ZC3H8: variants seen among roughly 807,000 people sequenced by gnomAD.
ZC3H8 encodes zinc finger CCCH-type containing 8.
ZC3H8 carries 27 observed loss-of-function variants against 42.5 expected under a neutral mutation model. The ratio of observed to expected loss-of-function variants is 0.64; its 90% confidence interval spans 0.47 to 0.88. The LOEUF (loss-of-function observed/expected upper bound fraction) is 0.88, where lower values mean the gene tolerates loss of function less well. Ranked by LOEUF, ZC3H8 falls within the 40% of genes least tolerant of loss-of-function variation. The probability of loss-of-function intolerance (pLI) is 0.00; values close to 1 mark genes in which losing one functional copy is unlikely to be tolerated. For synonymous variants in ZC3H8, 101 were observed against 110.1 expected, an observed-to-expected ratio of 0.92 and a Z score of 0.52; for missense variants, 277 against 336.1, an observed-to-expected ratio of 0.82 and a Z score of 1.37.
chr2:112,245,548 G>A (rs1685731114), intron 2 of ZC3H8, among the ~76,000 whole-genome samples: 1 of 152,198 alleles, frequency 6.6e-6, no homozygotes, highest in Non-Finnish European at 1.5e-5. Context: ...CAGCTACTCA[G>A]GAGGCTGAAG....
intron 4 of ZC3H8, among the ~76,000 whole-genome samples, chr2:112,234,843 G>GATTAAAAACCGAAGTC (rs1685250650): frequency 2.6e-5 from 4 of 151,966 alleles, no homozygotes; most frequent in Admixed American, 2.6e-4. Flanking sequence ...TAGTATTTAT[G>GATTAAAAACCGAAGTC]ATTAAAAACC....
intron 8 of ZC3H8, among the ~76,000 whole-genome samples, chr2:112,223,549 T>G (rs959064360): frequency 3.3e-5 from 5 of 152,148 alleles, no homozygotes; most frequent in African/African-American, 1.2e-4. Context: ...TCTGCATATA[T>G]TACTTTTATA....
At chr2:112,228,859 C>A (rs375246882) in intron 8 of ZC3H8, among the ~76,000 whole-genome samples, 1 of 151,030 alleles carries the variant, frequency 6.6e-6, no homozygotes, top group Non-Finnish European at 1.5e-5. Context: ...ATCCAACATA[C>A]GTAAAGAACT....
intron 8 of ZC3H8, among the ~76,000 whole-genome samples, chr2:112,229,764 C>T (rs1186792757): frequency 1.3e-5 from 2 of 152,070 alleles, no homozygotes; most frequent in South Asian, 2.1e-4. Context: ...ACTGTTAATA[C>T]AATTCCCAAT....
At chr2:112,237,946 T>C (rs918729345) in intron 3 of ZC3H8, among the ~76,000 whole-genome samples, 2 of 152,246 alleles carry the variant, frequency 1.3e-5, no homozygotes, top group Non-Finnish European at 2.9e-5. Context: ...AATATATTTC[T>C]GAGTTACAGT....
intron 1 of ZC3H8, chr2:112,254,134 G>C: frequency 1.0e-6 from 1 of 985,314 alleles, no homozygotes; most frequent in Non-Finnish European, 1.2e-6. Flanking sequence ...GGTAAAATTT[G>C]AGATAGAGTG....
In ZC3H8 at chr2:112,223,686, C is replaced by T. The variant is rs566863513; in HGVS notation, c.*15+7217G>A. 3.2e-4 allele frequency among the ~76,000 whole-genome samples: 49 copies of T among 152,062 alleles called. 1 individual carries two copies. The South Asian group carries it at 4.8e-3, about 15-fold the overall frequency. ...AATCTTTGGGCAAAATAAGCCCAAA[C>T]AATGTAAAATGACTGATATAATCTA... On this transcript the variant is annotated intron_variant, in intron 8 of 8. Transcript: ENST00000409573.
intron 2 of ZC3H8, among the ~76,000 whole-genome samples, chr2:112,240,992 T>TGTGTGTGC (rs1388150739): frequency 3.5e-5 from 5 of 143,736 alleles, no homozygotes; most frequent in Non-Finnish European, 6.1e-5. Flanking sequence ...TGTGCGCGTG[T>TGTGTGTGC]GTATGTGTGT....
At chr2:112,232,790 T>C (rs1202847277) in intron 6 of ZC3H8, among the ~76,000 whole-genome samples, 1 of 152,234 alleles carries the variant, frequency 6.6e-6, no homozygotes, top group South Asian at 2.1e-4. Context: ...AAAATGTTTA[T>C]GTTCCATGTT....
intron 2 of ZC3H8, among the ~76,000 whole-genome samples, chr2:112,245,939 G>A (rs966188213): frequency 1.3e-5 from 2 of 152,096 alleles, no homozygotes; most frequent in African/African-American, 4.8e-5. Context: ...ACTTTAAAAG[G>A]CTTCAAAAAG....
chr2:112,223,632 G>A (rs182642549), intron 8 of ZC3H8, among the ~76,000 whole-genome samples: 1 of 152,274 alleles, frequency 6.6e-6, no homozygotes, highest in Admixed American at 6.5e-5. Context: ...AGGTTTAGAT[G>A]TGCTGAGAAA....
intron 8 of ZC3H8, among the ~76,000 whole-genome samples, chr2:112,216,912 T>TA (rs1684352139): frequency 6.6e-6 from 1 of 151,838 alleles, no homozygotes; most frequent in Non-Finnish European, 1.5e-5. Context: ...AGAAACACAG[T>TA]AACAATAAAA....
At chr2:112,253,091 G>A (rs1402574913) in intron 1 of ZC3H8, among the ~76,000 whole-genome samples, 2 of 151,636 alleles carry the variant, frequency 1.3e-5, no homozygotes, top group East Asian at 1.9e-4. Flanking sequence ...CCGAGATCGC[G>A]CCACTGCACC....
intron 8 of ZC3H8, among the ~76,000 whole-genome samples, chr2:112,228,746 A>G (rs1434416168): frequency 6.6e-6 from 1 of 151,808 alleles, no homozygotes. Flanking sequence ...AAACTGTACG[A>G]CATCAAAATG....
intron 1 of ZC3H8, 66 bp downstream of exon 1, chr2:112,254,842 G>A: frequency 6.5e-7 from 1 of 1,550,282 alleles, no homozygotes; most frequent in Admixed American, 1.9e-5. Context: ...CTCCAATCCA[G>A]AAGAAACTAA....
chr2:112,247,400 AC>A (rs1030048752), intron 2 of ZC3H8, among the ~76,000 whole-genome samples: 4 of 151,814 alleles, frequency 2.6e-5, no homozygotes, highest in Non-Finnish European at 5.9e-5. Context: ...CATGGCAAAA[AC>A]CCATCTCTAC....
At chr2:112,253,059 G>A (rs1220996565) in intron 1 of ZC3H8, among the ~76,000 whole-genome samples, 1 of 151,908 alleles carries the variant, frequency 6.6e-6, no homozygotes, top group Non-Finnish European at 1.5e-5. Flanking sequence ...GTGTGAACCC[G>A]GAAGGCAGAG....
chr2:112,247,235 A>G (rs1422064340), intron 2 of ZC3H8, among the ~76,000 whole-genome samples: 1 of 152,194 alleles, frequency 6.6e-6, no homozygotes, highest in African/African-American at 2.4e-5. Context: ...AATCTGAGGT[A>G]ATGCTCTTTC....
chr2:112,254,571 C>T lies in ZC3H8; in HGVS notation c.74+337G>A, dbSNP rs1686060553. On this transcript the variant is annotated intron_variant, in intron 1 of 8. Coordinates refer to ENST00000409573, the MANE Select transcript of ZC3H8 (RefSeq NM_032494.3). ...CAGGCAACAACGGTAAAGACAGACG[C>T]TACGGGACCACAGAGGCGGGCTCCT... 2.0e-5 allele frequency among the ~76,000 whole-genome samples: 3 copies of T among 152,232 alleles called. No individual in the cohort carries two copies. In the South Asian group the frequency reaches 6.2e-4, roughly 31 times the overall value.
Sources: allele counts gnomAD v4.1 joint callset (sites outside exome capture counted in the v4.1 genomes callset), GRCh38; gene constraint gnomAD v4.1.1; transcripts MANE v1.5; gene names NCBI Gene and HGNC (gene_info 2026-07-23, HGNC 2026-07-21).